The following SEPTIN6 variants were observed in gnomAD, a reference collection of about 807,000 sequenced individuals.
SEPTIN6 encodes septin 6, also known as septin-6.
A neutral mutation model predicts 33.6 loss-of-function variants in SEPTIN6; 8 were observed. The observed-to-expected ratio is 0.24, with a 90% CI of 0.14 to 0.43. The LOEUF (loss-of-function observed/expected upper bound fraction) is 0.43, where lower values mean the gene tolerates loss of function less well. Ranked by LOEUF, SEPTIN6 falls within the 20% of genes least tolerant of loss-of-function variation. The pLI, the probability that SEPTIN6 is intolerant of heterozygous loss-of-function variation, is 1.00. For missense variants in SEPTIN6, 250 were observed against 340.8 expected (o/e 0.73, Z 2.10); for synonymous variants, 131 against 140.0 (o/e 0.94, Z 0.45).
At chrX:119,690,132 A>T in intron 1 of SEPTIN6, among the ~76,000 whole-genome samples, 1 of 111,848 alleles carries the variant, frequency 8.9e-6, no homozygotes, top group East Asian at 2.8e-4. Flanking sequence ...ATATGGACAC[A>T]GTGGAGAAAT....
intron 3 of SEPTIN6, among the ~76,000 whole-genome samples, chrX:119,661,335 G>A (rs1015286804): frequency 1.8e-5 from 2 of 110,410 alleles, no homozygotes; most frequent in Admixed American, 1.9e-4. Context: ...GGAGGCTGAG[G>A]CAGGAGAATG....
rs759235862 is a variant in SEPTIN6 at position 119,688,590 on chromosome X, C to T, written c.30+4486G>A. ...GGCACGGTGGTGCACACCTGTAATCCCAGCTACTCGGGAGGCTGAGGCAGG... is the reference window on the plus strand; with the variant it reads ...GGCACGGTGGTGCACACCTGTAATCTCAGCTACTCGGGAGGCTGAGGCAGG... On this transcript the variant is annotated intron_variant, in intron 1 of 10. Coordinates refer to ENST00000394610, the MANE Select transcript of SEPTIN6 (RefSeq NM_145799.4). Among the ~76,000 whole-genome samples, 9 of 108,655 alleles carry T rather than the reference C, an allele frequency of 8.3e-5. No individual in the cohort carries two copies. The East Asian group carries it at 2.6e-3, about 31-fold the overall frequency. The allele number at this position is 108,655 out of a possible 115,157, so 94.4% of individuals were successfully genotyped here.
intron 2 of SEPTIN6, among the ~76,000 whole-genome samples, chrX:119,675,104 G>T (rs745636249): frequency 2.4e-3 from 265 of 111,038 alleles, no homozygotes; most frequent in Non-Finnish European, 4.4e-3. Flanking sequence ...GCATACAGCT[G>T]TGTGGTGCCT....
intron 1 of SEPTIN6, among the ~76,000 whole-genome samples, chrX:119,690,638 G>A (rs2055154332): frequency 9.8e-6 from 1 of 101,901 alleles, no homozygotes; most frequent in African/African-American, 3.7e-5. Flanking sequence ...CAGGAGAATC[G>A]CTTGAACCTG....
chrX:119,675,041 C>CA (rs66460162), intron 2 of SEPTIN6, among the ~76,000 whole-genome samples: 14,947 of 94,715 alleles, frequency 0.16, 1,748 homozygotes, highest in African/African-American at 0.39. Flanking sequence ...ACCCCCATCT[C>CA]AAAAAAAAAA....
Position 119,619,804 on chromosome X carries a change from G to C in SEPTIN6, c.*289C>G, listed in dbSNP as rs2053718377. 9.6e-7 allele frequency: 1 copy of C among 1,042,117 alleles called. No homozygotes were observed. Among genetic ancestry groups the C allele is most frequent in the Non-Finnish European group, 1.2e-6 (1 of 811,493 alleles). The allele number at this position is 1,042,117 out of a possible 1,213,427, so 85.9% of individuals were successfully genotyped here. ...CTGGCAAAGATGTGGGGGAAGACAGGGGGGATGGCTGGGGGTGCTGGGAGG... is the reference window on the plus strand; with the variant it reads ...CTGGCAAAGATGTGGGGGAAGACAGCGGGGATGGCTGGGGGTGCTGGGAGG... On this transcript the variant is annotated 3_prime_UTR_variant, in exon 11 of 11. Coordinates refer to ENST00000394610, the MANE Select transcript of SEPTIN6 (RefSeq NM_145799.4).
chrX:119,690,716 TC>T (rs1233087790), intron 1 of SEPTIN6, among the ~76,000 whole-genome samples: 3 of 64,627 alleles, frequency 4.6e-5, no homozygotes, highest in African/African-American at 2.1e-4. Flanking sequence ...AGAGCAAGAC[TC>T]CGTCTCAAAA....
intron 2 of SEPTIN6, among the ~76,000 whole-genome samples, chrX:119,673,235 T>C (rs57633237): frequency 0.037 from 4,118 of 111,150 alleles, 110 homozygotes; most frequent in East Asian, 0.17. Flanking sequence ...CCCGGTCGCA[T>C]GCCTGTAATC....
In SEPTIN6 at chrX:119,617,711, T is replaced by C. The variant is rs1288781017; in HGVS notation, c.*2382A>G. ...ATTGGGAGTCAGGAGGCATGAAAAT[T>C]AGTCTGGCTTCTGCCTCGAAACAGA... On this transcript the variant is annotated 3_prime_UTR_variant, in exon 11 of 11. Coordinates refer to ENST00000394610, the MANE Select transcript of SEPTIN6 (RefSeq NM_145799.4). 2.2e-5 allele frequency: 17 copies of C among 787,814 alleles called. No homozygotes were observed. The highest frequency in any genetic ancestry group is 2.4e-5 in the Non-Finnish European group (16 of 654,921). 64.9% of individuals were successfully genotyped at this position (787,814 alleles called of 1,213,427 possible). A position where few individuals can be genotyped will look rare whatever the true frequency, so the allele number is the denominator to read the frequency against.
At chrX:119,690,723 C>CA (rs772333455) in intron 1 of SEPTIN6, among the ~76,000 whole-genome samples, 2,673 of 22,023 alleles carry the variant, frequency 0.12, 206 homozygotes, top group East Asian at 0.21. Context: ...GACTCCGTCT[C>CA]AAAAAAAAAA....
At position 119,693,099 on chromosome X, in the gene SEPTIN6, C is replaced by T. The variant is rs1002298615; in HGVS notation, c.7G>A (p.Ala3Thr). Residue 3 changes from alanine (A) to threonine (T), a missense_variant, in exon 1 of 11, where the codon GCG becomes ACG. Coordinates refer to ENST00000394610, the MANE Select transcript of SEPTIN6 (RefSeq NM_145799.4). ...ACCACCTGGCGAGCTATATCGGTCG[C>T]TGCCATCGCTCCTGCGTCCGCCAGG... MA[A>T]TDIARQVGEG... The T allele has an allele frequency of 1.8e-5, 21 of 1,171,258 alleles. No individual in the cohort carries two copies. In the South Asian group the frequency reaches 3.8e-4, roughly 21 times the overall value.
intron 5 of SEPTIN6, among the ~76,000 whole-genome samples, chrX:119,645,010 C>A (rs767651808): frequency 9.9e-6 from 1 of 100,569 alleles, no homozygotes; most frequent in South Asian, 4.9e-4. Flanking sequence ...CGGGTTCAAG[C>A]GATTATCTTG....
rs916113735 is a variant in SEPTIN6 at position 119,619,377 on chromosome X, G to C, written c.*716C>G. 1.2e-6 allele frequency: 1 copy of C among 812,137 alleles called. No individual in the cohort carries two copies. Among genetic ancestry groups the C allele is most frequent in the Non-Finnish European group, 1.5e-6 (1 of 675,734 alleles). The allele number at this position is 812,137 out of a possible 1,213,427, so 66.9% of individuals were successfully genotyped here. A position where few individuals can be genotyped will look rare whatever the true frequency, so the allele number is the denominator to read the frequency against. ...TGCATCTGTGGGATACCCAGAGTTA[G>C]AGAGAGGGGAAACGTCTGCTATTTT... is the stretch of plus-strand genomic sequence containing the variant. On this transcript the variant is annotated 3_prime_UTR_variant, in exon 11 of 11. Coordinates refer to ENST00000394610, the MANE Select transcript of SEPTIN6 (RefSeq NM_145799.4).
At position 119,620,022 on chromosome X, in the gene SEPTIN6, C is replaced by T. The variant is rs376066469; in HGVS notation, c.*71G>A. On this transcript the variant is annotated 3_prime_UTR_variant, in exon 11 of 11. Transcript: ENST00000394610. Reference sequence around the variant, plus strand: ...GAAAGGGAGGCCCAGCTCTGTTGCGCAGGAAAAGGGTGTCTACAGGAAGCC... The same window carrying T: ...GAAAGGGAGGCCCAGCTCTGTTGCGTAGGAAAAGGGTGTCTACAGGAAGCC... The T allele has an allele frequency of 2.5e-5, 30 of 1,202,660 alleles. No homozygotes were observed. In the African/African-American group the frequency reaches 5.0e-4, roughly 20 times the overall value.
chrX:119,670,576 AAAAG>A (rs201309155), intron 2 of SEPTIN6, among the ~76,000 whole-genome samples: 1,173 of 98,543 alleles, frequency 0.012, 15 homozygotes, highest in African/African-American at 0.04. Context: ...AAAAAAAAAA[AAAAG>A]AAGAAGAAGA....
intron 2 of SEPTIN6, among the ~76,000 whole-genome samples, chrX:119,665,384 A>G (rs1395127729): frequency 1.8e-5 from 2 of 112,174 alleles, no homozygotes; most frequent in Non-Finnish European, 3.8e-5. Flanking sequence ...GATTACAGGC[A>G]TGAGCCACCG....
At chrX:119,627,843 A>G (rs1387113054) in intron 9 of SEPTIN6, among the ~76,000 whole-genome samples, 2 of 81,204 alleles carry the variant, frequency 2.5e-5, no homozygotes, top group Non-Finnish European at 4.3e-5. Flanking sequence ...TCTGTCGCCC[A>G]GGCTGGAGTG....
rs199545331 is a variant in SEPTIN6, at chrX:119,667,994, G to GT, written c.146-4318dup. On this transcript the variant is annotated intron_variant, in intron 2 of 10. Transcript: ENST00000394610. ...AACATATATGAGTACTACGAAATAT[G>GT]TTTTTTTTCAAACTATGCTCTTGCG... 8.2e-3 allele frequency among the ~76,000 whole-genome samples: 912 copies of GT among 111,614 alleles called. 35 individuals carry two copies. Among genetic ancestry groups the GT allele is most frequent in the Admixed American group, 0.077 (806 of 10,443 alleles).
intron 1 of SEPTIN6, among the ~76,000 whole-genome samples, chrX:119,692,367 G>A (rs1220817032): frequency 9.2e-6 from 1 of 109,175 alleles, no homozygotes; most frequent in African/African-American, 3.3e-5. Context: ...GAGGCACACA[G>A]CACAAGCAGA....
Sources: gnomAD v4.1 joint callset for allele counts (sites outside exome capture counted in the v4.1 genomes callset) on GRCh38, gnomAD v4.1.1 for gene constraint, MANE v1.5 for transcripts, NCBI Gene and HGNC (gene_info 2026-07-23, HGNC 2026-07-21) for gene names.